Variants in CUX2 observed in about 807,000 individuals in gnomAD.
CUX2 encodes homeobox protein cut-like 2.
In CUX2, 40 loss-of-function variants were observed where a neutral mutation model predicts 144.8. The ratio of observed to expected loss-of-function variants is 0.28; its 90% CI spans 0.21 to 0.36. The LOEUF (loss-of-function observed/expected upper bound fraction) is 0.36, where lower values mean the gene tolerates loss of function less well. Ranked by LOEUF, CUX2 falls within the 10% of genes least tolerant of loss-of-function variation. CUX2 has a pLI of 1.00. For missense variants in CUX2, 1,615 were observed against 1,994.0 expected (o/e 0.81, Z 3.62); for synonymous variants, 827 against 875.6 (o/e 0.94, Z 0.98).
chr12:111,239,183 A>G (rs965730891), intron 3 of CUX2, among the ~76,000 whole-genome samples: 1 of 152,192 alleles, frequency 6.6e-6, no homozygotes, highest in Non-Finnish European at 1.5e-5. Flanking sequence ...TGTGTCTCCT[A>G]CTATACCATG....
chr12:111,199,720 C>T (rs565962548), intron 1 of CUX2, among the ~76,000 whole-genome samples: 7 of 152,022 alleles, frequency 4.6e-5, no homozygotes, highest in East Asian at 1.9e-4. Context: ...TCCATGTGAA[C>T]GTGTCTGTCT....
At chr12:111,266,489 AGAGACGAGGGTACAGAGAT>A (rs1884398882) in intron 4 of CUX2, among the ~76,000 whole-genome samples, 1 of 148,026 alleles carries the variant, frequency 6.8e-6, no homozygotes, top group African/African-American at 2.5e-5. Context: ...AAAAAAAAAA[AGAGACGAGGGTACAGAGAT>A]AGCCACTGAG....
intron 1 of CUX2, among the ~76,000 whole-genome samples, chr12:111,211,755 G>A (rs937907862): frequency 6.6e-6 from 1 of 151,944 alleles, no homozygotes; most frequent in African/African-American, 2.4e-5. Flanking sequence ...CTTGGTGGTG[G>A]GTGCTTGTAG....
At chr12:111,321,560 G>A (rs929499489) in intron 17 of CUX2, among the ~76,000 whole-genome samples, 1 of 151,900 alleles carries the variant, frequency 6.6e-6, no homozygotes, top group African/African-American at 2.4e-5. Context: ...CAAGTGTGGT[G>A]GTGCACAGCT....
chr12:111,258,601 G>A (rs1012746916), intron 3 of CUX2, among the ~76,000 whole-genome samples: 8 of 151,966 alleles, frequency 5.3e-5, no homozygotes, highest in Non-Finnish European at 1.2e-4. Flanking sequence ...AATGAGGCAG[G>A]AAATCTACAC....
chr12:111,296,400 C>T, intron 7 of CUX2, 73 bp from the exon 8 acceptor site: 1 of 1,388,248 alleles, frequency 7.2e-7, no homozygotes, highest in Non-Finnish European at 1.0e-6. Context: ...AAGGAGTGGG[C>T]TCCACCTCCC....
At chr12:111,314,334 A>C (rs1887060898) in intron 16 of CUX2, among the ~76,000 whole-genome samples, 1 of 152,136 alleles carries the variant, frequency 6.6e-6, no homozygotes, top group South Asian at 2.1e-4. Flanking sequence ...CGGCTCCCAA[A>C]GTGCTGGGAT....
intron 1 of CUX2, among the ~76,000 whole-genome samples, chr12:111,047,174 G>A (rs376766019): frequency 5.3e-5 from 8 of 152,198 alleles, no homozygotes; most frequent in African/African-American, 1.7e-4. Flanking sequence ...CCTGTCGTCC[G>A]GCCTGCATTC....
intron 3 of CUX2, among the ~76,000 whole-genome samples, chr12:111,224,750 G>A (rs1342385175): frequency 6.6e-6 from 1 of 152,060 alleles, no homozygotes; most frequent in Non-Finnish European, 1.5e-5. Flanking sequence ...GGCCTTGCTG[G>A]CCGGTGAGGC....
At chr12:111,245,920 AGAC>A (rs1883259583) in intron 3 of CUX2, among the ~76,000 whole-genome samples, 1 of 152,104 alleles carries the variant, frequency 6.6e-6, no homozygotes, top group Non-Finnish European at 1.5e-5. Flanking sequence ...GGCACAGATG[AGAC>A]AACAGGGAGG....
intron 1 of CUX2, among the ~76,000 whole-genome samples, chr12:111,038,548 C>A (rs1211452756): frequency 6.6e-6 from 1 of 152,244 alleles, no homozygotes. Flanking sequence ...CCCATTCCCT[C>A]TGCCTCTCCA....
intron 1 of CUX2, among the ~76,000 whole-genome samples, chr12:111,201,163 C>A (rs997132167): frequency 6.6e-6 from 1 of 152,150 alleles, no homozygotes; most frequent in Non-Finnish European, 1.5e-5. Context: ...GAGGCATTGG[C>A]TCCTTGCCAG....
chr12:111,168,842 G>T (rs1193736496), intron 1 of CUX2, among the ~76,000 whole-genome samples: 1 of 152,188 alleles, frequency 6.6e-6, no homozygotes, highest in East Asian at 1.9e-4. Flanking sequence ...TTTGGGTCGG[G>T]TGCTTGAACT....
At chr12:111,209,333 G>T (rs1455865514) in intron 1 of CUX2, among the ~76,000 whole-genome samples, 1 of 152,184 alleles carries the variant, frequency 6.6e-6, no homozygotes, top group Non-Finnish European at 1.5e-5. Context: ...AGTGAAGGCT[G>T]CGGTGAGCTG....
intron 3 of CUX2, among the ~76,000 whole-genome samples, chr12:111,232,467 A>C (rs1291360267): frequency 6.6e-6 from 1 of 152,178 alleles, no homozygotes; most frequent in African/African-American, 2.4e-5. Context: ...CAACCACTGT[A>C]CTCCAGTCTG....
At position 111,263,742 on chromosome 12, in the gene CUX2, T is replaced by C; in HGVS notation, c.223-19T>C. The C allele has an allele frequency of 6.2e-7, 1 of 1,606,278 alleles. No individual in the cohort carries two copies. Among genetic ancestry groups the C allele is most frequent in the East Asian group, 2.2e-5 (1 of 44,818 alleles). On this transcript the variant is annotated intron_variant, in intron 3 of 21. Transcript: ENST00000261726. The surrounding 1 kb of genome is among the most constrained non-coding windows in gnomAD (Gnocchi z 4.0). ...GATGCCATGGTTACACGTGACTCTT[T>C]CTCTTGTTGTCTCCAAAGGTGGTGG... is the stretch of plus-strand genomic sequence containing the variant.
intron 1 of CUX2, among the ~76,000 whole-genome samples, chr12:111,097,592 C>G (rs1872895368): frequency 6.6e-6 from 1 of 152,202 alleles, no homozygotes; most frequent in African/African-American, 2.4e-5. Context: ...ATCTGGGGAG[C>G]TCCTAGATAA....
intron 4 of CUX2, among the ~76,000 whole-genome samples, chr12:111,282,194 C>T (rs953379877): frequency 3.6e-4 from 55 of 151,770 alleles, no homozygotes; most frequent in African/African-American, 1.1e-3. Flanking sequence ...AGGTGGTGGG[C>T]GCCTGTAGCC....
At chr12:111,223,775 C>A (rs1400597867) in intron 3 of CUX2, among the ~76,000 whole-genome samples, 1 of 152,198 alleles carries the variant, frequency 6.6e-6, no homozygotes, top group Non-Finnish European at 1.5e-5. Context: ...ACTGTGAACA[C>A]CTGGTTCATT....
Sources: gnomAD v4.1 joint callset for allele counts (sites outside exome capture counted in the v4.1 genomes callset) on GRCh38, gnomAD v4.1.1 for gene constraint, Gnocchi (gnomAD v3.1) non-coding constraint, MANE v1.5 for transcripts, NCBI Gene and HGNC (gene_info 2026-07-23, HGNC 2026-07-21) for gene names.